Variants in ZNF573 observed in about 807,000 individuals in gnomAD.
ZNF573 encodes the protein zinc finger protein 573.
In ZNF573, 41 loss-of-function variants were observed where a neutral mutation model predicts 57.4. The ratio of observed to expected loss-of-function variants is 0.71; its 90% CI spans 0.56 to 0.93. ZNF573 has a LOEUF of 0.93. Ranked by LOEUF, ZNF573 falls within the 40% of genes least tolerant of loss-of-function variation. The pLI is 0.00. For synonymous variants in ZNF573, 249 were observed against 261.0 expected (o/e 0.95, Z 0.44); for missense variants, 730 against 794.8 (o/e 0.92, Z 0.98).
In ZNF573 at chr19:37,739,049, T is replaced by TA. The variant is rs752387866; in HGVS notation, c.1440dup (p.Thr481TyrfsTer15). ...CGATGTTGAATAAGGTTTGAGCCAG[T>TA]ACTATAGGCCTTCCCACATTCCTGA... On this transcript the variant is annotated frameshift_variant, in exon 5 of 5. Transcript: ENST00000536220. LOFTEE classifies it high-confidence loss of function. The TA allele has an allele frequency of 1.2e-4, 191 of 1,612,386 alleles. 3 individuals are homozygous for TA. In the East Asian group the frequency reaches 4.2e-3, roughly 36 times the overall value.
chr19:37,771,658 G>C lies in ZNF573; in HGVS notation c.108C>G (p.Asp36Glu). The C allele has an allele frequency of 6.2e-7, 1 of 1,600,712 alleles. No homozygotes were observed. The highest frequency in any genetic ancestry group is 8.5e-7 in the Non-Finnish European group (1 of 1,176,154). ...GGTATTCCCACTCCTGCCGAGAGAA[G>C]TCTATGGCCACATCCCTGAATGTCA... Reference protein sequence around the residue: ...ELVTFRDVAIDFSRQEWEYLD... With the variant: ...ELVTFRDVAIEFSRQEWEYLD... The change falls in exon 3 of 5, where the codon GAC becomes GAG. Residue 36 changes from aspartate (D) to glutamate (E), a missense_variant. Asp to Glu is a conservative substitution (Grantham distance 45, BLOSUM62 2). Transcript: ENST00000536220.
intron 3 of ZNF573, 105 bp from the exon 4 acceptor site, chr19:37,770,202 G>A (rs936993911): frequency 1.2e-6 from 1 of 845,438 alleles, no homozygotes; most frequent in African/African-American, 1.7e-5. Context: ...TCAAATAAAA[G>A]AGGGGTGAGA....
rs773855958 is a variant in ZNF573 at position 37,738,831 on chromosome 19, AG to A, written c.1658del (p.Pro553LeufsTer111). Reference protein sequence around the residue: ...LHQSIHTDEKPFECKECGKTF... With the variant: ...LHQSIHTDEKXFECKECGKTF... ...TCTTCCCACATTCCTTACATTCAAAAGGTTTCTCATCAGTATGAATACTTTG... is the reference window on the plus strand; with the variant it reads ...TCTTCCCACATTCCTTACATTCAAAAGTTTCTCATCAGTATGAATACTTTG... On this transcript the variant is annotated frameshift_variant, in exon 5 of 5. Transcript: ENST00000536220. LOFTEE classifies it high-confidence loss of function. 6.2e-6 allele frequency: 10 copies of A among 1,613,284 alleles called. No individual in the cohort carries two copies. The South Asian group carries it at 1.1e-4, about 18-fold the overall frequency.
intron 1 of ZNF573, chr19:37,778,579 A>C (rs2045734025): frequency 6.6e-6 from 1 of 151,944 alleles, no homozygotes; most frequent in Non-Finnish European, 1.5e-5. Context: ...GTATTAGGAC[A>C]TTCAGACACA....
chr19:37,757,102 AC>A (rs974854724), intron 4 of ZNF573, among the ~76,000 whole-genome samples: 1 of 152,052 alleles, frequency 6.6e-6, no homozygotes, highest in African/African-American at 2.4e-5. Flanking sequence ...TGAAACCAAC[AC>A]AATCCCCTCT....
At chr19:37,740,797 G>A (rs1394778830) in intron 4 of ZNF573, 3 of 314,844 alleles carry the variant, frequency 9.5e-6, no homozygotes, top group East Asian at 1.7e-4. Flanking sequence ...CCCAGATACC[G>A]ACGCCTTAAG....
chr19:37,742,722 C>T (rs751970350), intron 4 of ZNF573, among the ~76,000 whole-genome samples: 8 of 152,188 alleles, frequency 5.3e-5, no homozygotes, highest in Non-Finnish European at 1.0e-4. Flanking sequence ...ACCATAAAAA[C>T]CCTAGAAGAA....
intron 4 of ZNF573, among the ~76,000 whole-genome samples, chr19:37,767,385 C>T (rs751448770): frequency 1.3e-5 from 2 of 152,092 alleles, no homozygotes; most frequent in African/African-American, 2.4e-5. Context: ...CCCGCCACCA[C>T]GCCCACCTAA....
In ZNF573 at chr19:37,767,275, C is replaced by T. The variant is rs191400132; in HGVS notation, c.295+2730G>A. Among the ~76,000 whole-genome samples the T allele has an allele frequency of 4.1e-3, 625 of 152,044 alleles. 25 individuals are homozygous for T. The highest frequency in any genetic ancestry group is 0.036 in the Admixed American group (554 of 15,244). ...ACGGAGTCTCGCTCTGTCACCCAGG[C>T]TGGAGTGCAGTGGCGCGATCTCGGC... On this transcript the variant is annotated intron_variant, in intron 4 of 4. Coordinates refer to ENST00000536220, the MANE Select transcript of ZNF573 (RefSeq NM_001172690.2).
Position 37,739,651 on chromosome 19 carries a change from C to G in ZNF573, c.839G>C (p.Gly280Ala). The G allele has an allele frequency of 6.2e-7, 1 of 1,614,060 alleles. No homozygotes were observed. Among genetic ancestry groups the G allele is most frequent in the Non-Finnish European group, 8.5e-7 (1 of 1,179,978 alleles). The change falls in exon 5 of 5, where the codon GGG becomes GCG. Residue 280 changes from glycine (G) to alanine (A), a missense_variant. Coordinates refer to ENST00000536220, the MANE Select transcript of ZNF573 (RefSeq NM_001172690.2). ...GEKPYKCKEC[G>A]KTFSRRSNLV... ...ATTTGAGCGCCTACTAAAAGTCTTCCCACATTCCTTACATTTATATGGTTT... is the reference window on the plus strand; with the variant it reads ...ATTTGAGCGCCTACTAAAAGTCTTCGCACATTCCTTACATTTATATGGTTT...
chr19:37,772,483 A>G (rs1258478646), intron 2 of ZNF573, among the ~76,000 whole-genome samples: 1 of 152,054 alleles, frequency 6.6e-6, no homozygotes, highest in Non-Finnish European at 1.5e-5. Context: ...AGACATTTCC[A>G]CAAGTCTCAA....
chr19:37,770,575 G>C (rs1419192863), intron 3 of ZNF573: 2 of 142,038 alleles, frequency 1.4e-5, no homozygotes, highest in Non-Finnish European at 3.0e-5. Context: ...GACCAACCCG[G>C]GCAACAGAGC....
chr19:37,764,884 T>C (rs2045587274), intron 4 of ZNF573, among the ~76,000 whole-genome samples: 1 of 150,326 alleles, frequency 6.7e-6, no homozygotes, highest in Non-Finnish European at 1.5e-5. Context: ...ATTACAGGCA[T>C]GAGCCACTGT....
chr19:37,742,168 A>G (rs1359393580), intron 4 of ZNF573, among the ~76,000 whole-genome samples: 1 of 152,204 alleles, frequency 6.6e-6, no homozygotes, highest in African/African-American at 2.4e-5. Flanking sequence ...GCTCAAGGAA[A>G]TAAGAGAGGA....
intron 4 of ZNF573, among the ~76,000 whole-genome samples, chr19:37,749,642 G>A (rs1338716245): frequency 6.6e-6 from 1 of 152,042 alleles, no homozygotes; most frequent in Non-Finnish European, 1.5e-5. Context: ...TTAAAAAATG[G>A]AGTTCACAAA....
intron 3 of ZNF573, chr19:37,770,411 T>G (rs1298418015): frequency 4.4e-6 from 1 of 228,904 alleles, no homozygotes; most frequent in Non-Finnish European, 8.5e-6. Flanking sequence ...ACCAACCTTG[T>G]GACTTTGGCC....
intron 4 of ZNF573, among the ~76,000 whole-genome samples, chr19:37,765,868 CCT>C (rs1402156124): frequency 6.6e-6 from 1 of 151,854 alleles, no homozygotes; most frequent in Admixed American, 6.6e-5. Context: ...GCAAAACCCT[CCT>C]CTCTACTAAA....
chr19:37,760,003 G>C (rs2045536007), intron 4 of ZNF573, among the ~76,000 whole-genome samples: 1 of 152,198 alleles, frequency 6.6e-6, no homozygotes, highest in Non-Finnish European at 1.5e-5. Context: ...GATAAAGACT[G>C]ACATTGTTCA....
chr19:37,769,928 A>C, intron 4 of ZNF573, 77 bp downstream of exon 4: 1 of 1,331,172 alleles, frequency 7.5e-7, no homozygotes, highest in South Asian at 1.3e-5. Context: ...AAGGTTTCAC[A>C]AACAACACAA....
Sources: allele counts gnomAD v4.1 joint callset (sites outside exome capture counted in the v4.1 genomes callset), GRCh38; gene constraint gnomAD v4.1.1; transcripts MANE v1.5; gene names NCBI Gene and HGNC (gene_info 2026-07-23, HGNC 2026-07-21).